ST6GALNAC5: variants seen among roughly 807,000 people sequenced by gnomAD.
The protein encoded by ST6GALNAC5 is ST6 N-acetylgalactosaminide alpha-2,6-sialyltransferase 5, also known as alpha-N-acetylgalactosaminide alpha-2,6-sialyltransferase 5.
A neutral mutation model predicts 33.6 loss-of-function variants in ST6GALNAC5; 27 were observed. That is an observed-to-expected ratio of 0.80 (90% CI 0.59 to 1.11). ST6GALNAC5 has a LOEUF of 1.11. Ranked by LOEUF, ST6GALNAC5 falls within the 50% of genes least tolerant of loss-of-function variation. ST6GALNAC5 has a pLI of 0.00. For synonymous variants in ST6GALNAC5, 194 were observed against 171.2 expected (o/e 1.13, Z -1.04); for missense variants, 428 against 454.0 (o/e 0.94, Z 0.52).
At chr1:77,059,755 C>T (rs945529694) in intron 4 of ST6GALNAC5, among the ~76,000 whole-genome samples, 1 of 152,084 alleles carries the variant, frequency 6.6e-6, no homozygotes, top group Non-Finnish European at 1.5e-5. Context: ...ATTACTGCAA[C>T]GTTCTGAGGA....
intron 2 of ST6GALNAC5, among the ~76,000 whole-genome samples, chr1:76,956,686 T>C (rs1328641761): frequency 6.6e-6 from 1 of 152,196 alleles, no homozygotes; most frequent in African/African-American, 2.4e-5. Context: ...TTTCTAGAAC[T>C]TTCCCTCCAC....
intron 4 of ST6GALNAC5, among the ~76,000 whole-genome samples, chr1:77,055,326 A>C (rs977408853): frequency 1.3e-5 from 2 of 152,224 alleles, no homozygotes; most frequent in African/African-American, 2.4e-5. Flanking sequence ...CTATGACCTC[A>C]GTTTGGACTG....
chr1:76,952,381 G>T (rs1312910412), intron 2 of ST6GALNAC5, among the ~76,000 whole-genome samples: 3 of 152,126 alleles, frequency 2.0e-5, no homozygotes, highest in African/African-American at 7.2e-5. Flanking sequence ...CCTTTGGTAG[G>T]TAATTAGATT....
rs377203062 is a variant in ST6GALNAC5 at position 76,977,081 on chromosome 1, C to G, written c.262-67123C>G. 2.6e-5 allele frequency among the ~76,000 whole-genome samples: 4 copies of G among 152,232 alleles called. No individual in the cohort carries two copies. In the East Asian group the frequency reaches 7.7e-4, roughly 29 times the overall value. ...CATCTATTTATTCTTTTATATGTTTCTATCTATATTAATCTCTTTCTTCAC... is the reference window on the plus strand; with the variant it reads ...CATCTATTTATTCTTTTATATGTTTGTATCTATATTAATCTCTTTCTTCAC... On this transcript the variant is annotated intron_variant, in intron 2 of 4. Transcript: ENST00000477717.
At chr1:76,911,237 G>T (rs1198653398) in intron 2 of ST6GALNAC5, among the ~76,000 whole-genome samples, 1 of 152,094 alleles carries the variant, frequency 6.6e-6, no homozygotes, top group African/African-American at 2.4e-5. Flanking sequence ...TTATATGCTG[G>T]ATTACATTTA....
intron 2 of ST6GALNAC5, among the ~76,000 whole-genome samples, chr1:77,003,690 G>T (rs1188132739): frequency 6.6e-6 from 1 of 151,830 alleles, no homozygotes; most frequent in African/African-American, 2.4e-5. Context: ...AGGCCTGGTG[G>T]TGACAAAATC....
intron 2 of ST6GALNAC5, among the ~76,000 whole-genome samples, chr1:76,990,199 A>G (rs971394157): frequency 1.3e-5 from 2 of 152,144 alleles, no homozygotes; most frequent in Non-Finnish European, 1.5e-5. Flanking sequence ...TTTCCACTCC[A>G]TCCCCAATCT....
At chr1:76,986,475 C>A (rs1390834770) in intron 2 of ST6GALNAC5, among the ~76,000 whole-genome samples, 2 of 152,134 alleles carry the variant, frequency 1.3e-5, no homozygotes, top group Non-Finnish European at 1.5e-5. Context: ...TACCATCTCA[C>A]CCCAGTTAGA....
chr1:76,897,232 G>T (rs1654166122), intron 2 of ST6GALNAC5, among the ~76,000 whole-genome samples: 1 of 152,134 alleles, frequency 6.6e-6, no homozygotes, highest in Non-Finnish European at 1.5e-5. Context: ...AGGGTGCAAA[G>T]GAATAGTAAA....
At chr1:77,053,524 A>T (rs1380898958) in intron 4 of ST6GALNAC5, among the ~76,000 whole-genome samples, 2 of 152,204 alleles carry the variant, frequency 1.3e-5, no homozygotes, top group African/African-American at 4.8e-5. Flanking sequence ...ATGGATAAAA[A>T]TAGCCATTTC....
intron 2 of ST6GALNAC5, among the ~76,000 whole-genome samples, chr1:76,911,463 G>C (rs1646910524): frequency 6.6e-6 from 1 of 152,158 alleles, no homozygotes; most frequent in Non-Finnish European, 1.5e-5. Context: ...CTCATAAAAT[G>C]AGTTAGGAAG....
intron 2 of ST6GALNAC5, among the ~76,000 whole-genome samples, chr1:76,993,621 T>A (rs965251633): frequency 2.6e-5 from 4 of 152,196 alleles, no homozygotes; most frequent in Non-Finnish European, 5.9e-5. Flanking sequence ...ATCTCTGAAA[T>A]TTCTTTTTAA....
chr1:77,044,363 C>G lies in ST6GALNAC5; in HGVS notation c.421C>G (p.Leu141Val). The G allele has an allele frequency of 2.5e-6, 4 of 1,613,962 alleles. No homozygotes were observed. Among genetic ancestry groups the G allele is most frequent in the Non-Finnish European group, 3.4e-6 (4 of 1,180,028 alleles). ...GCGTGACGTGGGCAATCGCACCAGC[C>G]TGAGGGTCATCGCGCATTCCAGCAT... Reference protein sequence around the residue: ...YGRDVGNRTSLRVIAHSSIQR... With the variant: ...YGRDVGNRTSVRVIAHSSIQR... Residue 141 changes from leucine to valine, a missense_variant, in exon 3 of 5, where the codon CTG becomes GTG. Leu to Val is a conservative substitution (Grantham distance 32). Transcript: ENST00000477717.
chr1:76,954,575 A>C (rs1647881246), intron 2 of ST6GALNAC5, among the ~76,000 whole-genome samples: 1 of 152,134 alleles, frequency 6.6e-6, no homozygotes, highest in African/African-American at 2.4e-5. Flanking sequence ...GTGTTTGTAA[A>C]TAAATACATA....
intron 4 of ST6GALNAC5, among the ~76,000 whole-genome samples, chr1:77,057,586 C>T (rs913578222): frequency 6.6e-6 from 1 of 152,170 alleles, no homozygotes; most frequent in Non-Finnish European, 1.5e-5. Flanking sequence ...ATTCTTTTGA[C>T]ATTTCCTTGT....
At position 76,918,139 on chromosome 1, in the gene ST6GALNAC5, G is replaced by A. The variant is rs561078005; in HGVS notation, c.261+49397G>A. On this transcript the variant is annotated intron_variant, in intron 2 of 4. Transcript: ENST00000477717. Reference sequence around the variant, plus strand: ...GTTTTAAAAAAAGTTATTCAGCTGGGTAGAAATTACCATCTGTCTAGAAAA... The same window carrying A: ...GTTTTAAAAAAAGTTATTCAGCTGGATAGAAATTACCATCTGTCTAGAAAA... 3.9e-5 allele frequency among the ~76,000 whole-genome samples: 6 copies of A among 152,258 alleles called. No homozygotes were observed. In the South Asian group the frequency reaches 1.2e-3, roughly 32 times the overall value.
At chr1:76,975,045 C>T (rs1002551309) in intron 2 of ST6GALNAC5, among the ~76,000 whole-genome samples, 1 of 151,834 alleles carries the variant, frequency 6.6e-6, no homozygotes, top group African/African-American at 2.4e-5. Flanking sequence ...CCTCAGCCTC[C>T]CAAACTGCTG....
At chr1:76,886,943 C>T (rs559381277) in intron 2 of ST6GALNAC5, among the ~76,000 whole-genome samples, 28 of 152,206 alleles carry the variant, frequency 1.8e-4, no homozygotes, top group South Asian at 4.1e-4. Flanking sequence ...TTTGTTTTTC[C>T]ATTCATTAGA....
intron 2 of ST6GALNAC5, among the ~76,000 whole-genome samples, chr1:77,026,820 T>C (rs1651256618): frequency 6.6e-6 from 1 of 152,102 alleles, no homozygotes; most frequent in South Asian, 2.1e-4. Flanking sequence ...AATGAATGAA[T>C]GAATGAATGA....
Sources: gnomAD v4.1 joint callset for allele counts (sites outside exome capture counted in the v4.1 genomes callset) on GRCh38, gnomAD v4.1.1 for gene constraint, MANE v1.5 for transcripts, NCBI Gene and HGNC (gene_info 2026-07-23, HGNC 2026-07-21) for gene names.